Variants in ME1 observed in about 807,000 individuals in gnomAD.
ME1 encodes NADP-dependent malic enzyme.
In ME1, 74 loss-of-function variants were observed where a neutral mutation model predicts 66.4. The ratio of observed to expected loss-of-function variants is 1.11; its 90% CI spans 0.92 to 1.35. The LOEUF is 1.35. Ranked by LOEUF, ME1 falls within the 40% of genes most tolerant of loss-of-function variation. The pLI, the probability that ME1 is intolerant of heterozygous loss-of-function variation, is 0.00. For synonymous variants in ME1, 251 were observed against 235.6 expected (o/e 1.07, Z -0.60); for missense variants, 750 against 694.1 (o/e 1.08, Z -0.90).
At chr6:83,386,070 C>T (rs1769498302) in intron 3 of ME1, among the ~76,000 whole-genome samples, 1 of 151,502 alleles carries the variant, frequency 6.6e-6, no homozygotes, top group South Asian at 2.1e-4. Context: ...TTTTCTCATA[C>T]CTTAAAGTAG....
intron 1 of ME1, among the ~76,000 whole-genome samples, chr6:83,429,263 AAATAAT>A (rs149455567): frequency 0.028 from 4,201 of 151,810 alleles, 194 homozygotes; most frequent in African/African-American, 0.092. Context: ...ACTCCGTCTC[AAATAAT>A]AATAATAATA....
At chr6:83,278,888 A>G (rs1767239413) in intron 6 of ME1, among the ~76,000 whole-genome samples, 1 of 152,210 alleles carries the variant, frequency 6.6e-6, no homozygotes, top group African/African-American at 2.4e-5. Context: ...GGGAAGGGAA[A>G]TATCCAACTA....
intron 5 of ME1, among the ~76,000 whole-genome samples, chr6:83,331,891 C>A (rs778415868): frequency 6.6e-6 from 1 of 152,090 alleles, no homozygotes; most frequent in Non-Finnish European, 1.5e-5. Context: ...GAAGGGAACA[C>A]AAGGAACATC....
At chr6:83,247,843 T>C (rs1790652966) in intron 7 of ME1, among the ~76,000 whole-genome samples, 1 of 152,216 alleles carries the variant, frequency 6.6e-6, no homozygotes, top group Non-Finnish European at 1.5e-5. Flanking sequence ...AGACATATTT[T>C]TCTCAAACCT....
intron 3 of ME1, chr6:83,393,060 G>T: frequency 7.0e-7 from 1 of 1,427,714 alleles, no homozygotes; most frequent in Non-Finnish European, 9.7e-7. Flanking sequence ...TGTGAGGAAG[G>T]TCATCCCTGA....
intron 5 of ME1, among the ~76,000 whole-genome samples, chr6:83,342,464 A>G (rs953296918): frequency 2.6e-5 from 4 of 152,228 alleles, no homozygotes; most frequent in Non-Finnish European, 5.9e-5. Flanking sequence ...CTCCTCTTCT[A>G]GATTCAGAGC....
intron 2 of ME1, among the ~76,000 whole-genome samples, chr6:83,405,782 C>A (rs368726564): frequency 7.1e-6 from 1 of 140,198 alleles, no homozygotes; most frequent in Non-Finnish European, 1.5e-5. Flanking sequence ...AGTGCAGTGG[C>A]GGGATCTCGG....
intron 3 of ME1, chr6:83,392,639 C>T (rs1461235748): frequency 3.4e-6 from 2 of 586,370 alleles, no homozygotes; most frequent in Admixed American, 3.7e-5. Context: ...AATCTCATCA[C>T]TATTTTCCAG....
rs756792249 is a variant in ME1 at position 83,239,564 on chromosome 6, G to A, written c.887C>T (p.Thr296Ile). The change falls in exon 8 of 14, where the codon ACA becomes ATA. Residue 296 changes from threonine (T) to isoleucine (I), a missense_variant. Thr to Ile is a moderately conservative substitution (Grantham distance 89). Coordinates refer to ENST00000369705, the MANE Select transcript of ME1 (RefSeq NM_002395.6). The stretch of plus-strand genomic sequence containing the variant: ...CTCTCCAGCTCCTTGGAATAGTATT[G>A]TTTGATCAGACAGTTTGTTCTTGGT... Reference protein sequence around the residue: ...RITKNKLSDQTILFQGAGEAA... With the variant: ...RITKNKLSDQIILFQGAGEAA... 6.2e-6 allele frequency: 10 copies of A among 1,612,976 alleles called. No individual in the cohort carries two copies. In the East Asian group the frequency reaches 2.0e-4, roughly 32 times the overall value.
intron 3 of ME1, among the ~76,000 whole-genome samples, chr6:83,376,169 G>A (rs1433288220): frequency 1.3e-5 from 2 of 151,902 alleles, no homozygotes; most frequent in Non-Finnish European, 2.9e-5. Flanking sequence ...CATATAAGCT[G>A]TGTTCTATAA....
At chr6:83,312,956 C>A (rs1397884889) in intron 6 of ME1, among the ~76,000 whole-genome samples, 1 of 152,074 alleles carries the variant, frequency 6.6e-6, no homozygotes, top group Admixed American at 6.6e-5. Context: ...AGGGTTTCGC[C>A]ATGCTGGCCA....
intron 9 of ME1, among the ~76,000 whole-genome samples, chr6:83,233,651 C>A (rs1479163238): frequency 6.6e-6 from 1 of 151,762 alleles, no homozygotes; most frequent in African/African-American, 2.4e-5. Flanking sequence ...AGTGGAGTTT[C>A]ACCAAGAAAA....
At chr6:83,283,631 C>T (rs1200068738) in intron 6 of ME1, among the ~76,000 whole-genome samples, 4 of 152,012 alleles carry the variant, frequency 2.6e-5, no homozygotes, top group African/African-American at 9.7e-5. Context: ...AAAACATTAA[C>T]AAAATCTTAA....
At chr6:83,310,544 C>T (rs185076081) in intron 6 of ME1, among the ~76,000 whole-genome samples, 12 of 152,270 alleles carry the variant, frequency 7.9e-5, no homozygotes, top group Non-Finnish European at 1.3e-4. Flanking sequence ...GGCTTTGGCA[C>T]TGGTTAACTC....
At chr6:83,417,744 C>G (rs1770189549) in intron 1 of ME1, among the ~76,000 whole-genome samples, 1 of 152,066 alleles carries the variant, frequency 6.6e-6, no homozygotes, top group Admixed American at 6.5e-5. Flanking sequence ...ATATTGATCT[C>G]TTTAAAAAAT....
chr6:83,293,597 CA>C (rs879404278), intron 6 of ME1, among the ~76,000 whole-genome samples: 222 of 151,226 alleles, frequency 1.5e-3, no homozygotes, highest in Non-Finnish European at 3.1e-4. Context: ...TTAACCAGAA[CA>C]AAAAAAAATT....
In ME1 at chr6:83,430,971, G is replaced by C. The variant is rs761014486; in HGVS notation, c.-17C>G. 6.5e-7 allele frequency: 1 copy of C among 1,529,550 alleles called. No homozygotes were observed. Among genetic ancestry groups the C allele is most frequent in the South Asian group, 1.2e-5 (1 of 81,538 alleles). The allele number at this position is 1,529,550 out of a possible 1,614,324, so 94.7% of individuals were successfully genotyped here. On this transcript the variant is annotated 5_prime_UTR_variant, in exon 1 of 14. Transcript: ENST00000369705. ...GGGCTCCATGGCTGGCGCCGGGTTC[G>C]GCGGCGGGGTCAGGCCGGGGCGGGC...
intron 1 of ME1, among the ~76,000 whole-genome samples, chr6:83,420,863 T>G (rs945132726): frequency 1.3e-5 from 2 of 152,210 alleles, no homozygotes; most frequent in Admixed American, 6.5e-5. Context: ...CAGAGAAATT[T>G]TTGTTGTTGT....
chr6:83,298,931 GTTTTTTTTTTTTTT>G (rs61055748), intron 6 of ME1, among the ~76,000 whole-genome samples: 666 of 22,420 alleles, frequency 0.03, 6 homozygotes, highest in African/African-American at 0.032. Flanking sequence ...CTATGTGTCT[GTTTTTTTTTTTTTT>G]TTTTTTTTTT....
Sources: allele counts gnomAD v4.1 joint callset (sites outside exome capture counted in the v4.1 genomes callset), GRCh38; gene constraint gnomAD v4.1.1; transcripts MANE v1.5; gene names NCBI Gene and HGNC (gene_info 2026-07-23, HGNC 2026-07-21).